The following FNBP1L variants were observed in gnomAD, a reference collection of about 807,000 sequenced individuals.
FNBP1L encodes the protein formin-binding protein 1-like.
Under a neutral mutation model 91.2 loss-of-function variants are expected in FNBP1L, and 36 were observed. The ratio of observed to expected loss-of-function variants is 0.39; its 90% confidence interval spans 0.30 to 0.52. The LOEUF (loss-of-function observed/expected upper bound fraction) is 0.52, where lower values mean the gene tolerates loss of function less well. Ranked by LOEUF, FNBP1L falls within the 20% of genes least tolerant of loss-of-function variation. The probability of loss-of-function intolerance (pLI) is 0.66; values close to 1 mark genes in which losing one functional copy is unlikely to be tolerated. For synonymous variants in FNBP1L, 242 were observed against 237.0 expected, an observed-to-expected ratio of 1.02 and a Z score of -0.19; for missense variants, 571 against 732.1, an observed-to-expected ratio of 0.78 and a Z score of 2.54.
At chr1:93,454,902 G>C (rs1232820554) in intron 1 of FNBP1L, among the ~76,000 whole-genome samples, 2 of 150,816 alleles carry the variant, frequency 1.3e-5, no homozygotes, top group Non-Finnish European at 2.9e-5. Context: ...ATACTGTGCT[G>C]TTTTATTTTT....
At chr1:93,477,259 A>AT (rs1309392178) in intron 1 of FNBP1L, among the ~76,000 whole-genome samples, 1 of 152,234 alleles carries the variant, frequency 6.6e-6, no homozygotes, top group Non-Finnish European at 1.5e-5. Flanking sequence ...ATGGCTAATT[A>AT]TTACAAAGTG....
chr1:93,513,483 C>A (rs1670941465), intron 2 of FNBP1L, among the ~76,000 whole-genome samples: 1 of 151,984 alleles, frequency 6.6e-6, no homozygotes, highest in Non-Finnish European at 1.5e-5. Flanking sequence ...GAATTTTAGA[C>A]CAATATCCTT....
chr1:93,480,992 GAAA>G (rs375975289), intron 1 of FNBP1L, among the ~76,000 whole-genome samples: 3 of 149,618 alleles, frequency 2.0e-5, no homozygotes, highest in Non-Finnish European at 3.0e-5. Context: ...GTAGAATTAT[GAAA>G]AAAAAAATCA....
chr1:93,484,074 G>A (rs1033558872), intron 1 of FNBP1L, among the ~76,000 whole-genome samples: 3 of 152,116 alleles, frequency 2.0e-5, no homozygotes, highest in Non-Finnish European at 2.9e-5. Flanking sequence ...GACTACAGGC[G>A]TGCGCCACCA....
intron 16 of FNBP1L, chr1:93,552,129 T>G (rs2101780035): frequency 8.5e-7 from 1 of 1,180,262 alleles, no homozygotes. Flanking sequence ...ATTTTTCCAA[T>G]TAGTTTCAGC....
At position 93,547,287 on chromosome 1, in the gene FNBP1L, T is replaced by C. The variant is rs959516525; in HGVS notation, c.1408-60T>C. The stretch of plus-strand genomic sequence containing the variant: ...CTTAAACACATTTTAAATGTAGATA[T>C]CTTATGAGCTTTTAAACATATTTAT... On this transcript the variant is annotated intron_variant, in intron 13 of 16. Coordinates refer to ENST00000271234, the MANE Select transcript of FNBP1L (RefSeq NM_001164473.3). 43 of 1,273,078 alleles carry C rather than the reference T, an allele frequency of 3.4e-5. No homozygotes were observed. In the African/African-American group the frequency reaches 5.1e-4, roughly 15 times the overall value. 78.9% of individuals were successfully genotyped at this position (1,273,078 alleles called of 1,614,324 possible).
chr1:93,535,008 A>G lies in FNBP1L; in HGVS notation c.990+100A>G, dbSNP rs551530629. ...AATGATTTACCATTAATGGAGAATAAATATTTTCAATTTGAATGATTCAGT... is the reference window on the plus strand; with the variant it reads ...AATGATTTACCATTAATGGAGAATAGATATTTTCAATTTGAATGATTCAGT... On this transcript the variant is annotated intron_variant, in intron 9 of 16. Coordinates refer to ENST00000271234, the MANE Select transcript of FNBP1L (RefSeq NM_001164473.3). 8 of 902,736 alleles carry G rather than the reference A, an allele frequency of 8.9e-6. No homozygotes were observed. In the South Asian group the frequency reaches 1.5e-4, roughly 17 times the overall value. The allele number at this position is 902,736 out of a possible 1,614,324, so 55.9% of individuals were successfully genotyped here.
At chr1:93,491,376 G>A (rs1670084587) in intron 1 of FNBP1L, among the ~76,000 whole-genome samples, 1 of 151,062 alleles carries the variant, frequency 6.6e-6, no homozygotes, top group Admixed American at 6.6e-5. Flanking sequence ...CTAAAGAAAG[G>A]CTGAATGACT....
intron 1 of FNBP1L, among the ~76,000 whole-genome samples, chr1:93,466,145 G>A (rs764364270): frequency 1.3e-5 from 2 of 152,040 alleles, no homozygotes; most frequent in African/African-American, 4.8e-5. Flanking sequence ...CTCCCGTTCT[G>A]TAGGTTGCCT....
At chr1:93,509,538 G>A (rs934346221) in intron 2 of FNBP1L, among the ~76,000 whole-genome samples, 2 of 152,228 alleles carry the variant, frequency 1.3e-5, no homozygotes, top group Non-Finnish European at 2.9e-5. Flanking sequence ...GGTAAAACGT[G>A]TCCCCTACAG....
intron 2 of FNBP1L, among the ~76,000 whole-genome samples, chr1:93,504,678 G>A (rs910499935): frequency 2.0e-5 from 3 of 152,100 alleles, no homozygotes; most frequent in African/African-American, 7.2e-5. Context: ...CACCCTAATC[G>A]GTGTGAGTTG....
intron 1 of FNBP1L, among the ~76,000 whole-genome samples, chr1:93,471,004 T>G (rs921485365): frequency 6.6e-6 from 1 of 152,184 alleles, no homozygotes; most frequent in Non-Finnish European, 1.5e-5. Flanking sequence ...TGGTAATATC[T>G]AAGAAGAATA....
intron 1 of FNBP1L, among the ~76,000 whole-genome samples, chr1:93,481,708 C>G (rs1470771656): frequency 1.3e-5 from 2 of 152,122 alleles, no homozygotes; most frequent in Non-Finnish European, 2.9e-5. Flanking sequence ...TGTTATAGTT[C>G]CTTGCCACCT....
chr1:93,535,425 C>G (rs1314565969), intron 9 of FNBP1L, among the ~76,000 whole-genome samples: 1 of 152,068 alleles, frequency 6.6e-6, no homozygotes, highest in East Asian at 1.9e-4. Flanking sequence ...CTTGTTAGAA[C>G]CCACCTTCTG....
chr1:93,492,639 G>T lies in FNBP1L; in HGVS notation c.25-6829G>T, dbSNP rs185787839. Reference sequence around the variant, plus strand: ...CAAGTGGGAGAATTGCTTGAGACTGGGAGTTTGAGACCAGACGGAGCAACA... The same window carrying T: ...CAAGTGGGAGAATTGCTTGAGACTGTGAGTTTGAGACCAGACGGAGCAACA... On this transcript the variant is annotated intron_variant, in intron 1 of 16. Transcript: ENST00000271234. 4.0e-3 allele frequency among the ~76,000 whole-genome samples: 604 copies of T among 152,148 alleles called. 10 individuals carry two copies. The highest frequency in any genetic ancestry group is 3.4e-3 in the Middle Eastern group (1 of 292).
At chr1:93,516,353 A>G (rs1671114310) in intron 2 of FNBP1L, among the ~76,000 whole-genome samples, 1 of 152,126 alleles carries the variant, frequency 6.6e-6, no homozygotes, top group Non-Finnish European at 1.5e-5. Flanking sequence ...TACCCCCTTT[A>G]CCTGTTAAAA....
intron 2 of FNBP1L, among the ~76,000 whole-genome samples, chr1:93,516,181 G>C (rs1455423219): frequency 6.7e-6 from 1 of 148,864 alleles, no homozygotes; most frequent in Non-Finnish European, 1.5e-5. Flanking sequence ...AAGGAGTACT[G>C]TGTCAAGGGG....
At chr1:93,464,518 T>C (rs945036029) in intron 1 of FNBP1L, among the ~76,000 whole-genome samples, 1 of 152,216 alleles carries the variant, frequency 6.6e-6, no homozygotes, top group Non-Finnish European at 1.5e-5. Flanking sequence ...TCTACTGTGT[T>C]CTGTTTTCTT....
chr1:93,544,825 A>G (rs1399142827), intron 12 of FNBP1L, among the ~76,000 whole-genome samples: 1 of 152,172 alleles, frequency 6.6e-6, no homozygotes, highest in Non-Finnish European at 1.5e-5. Context: ...GAATTAGTGT[A>G]TCAGGTGTGA....
Sources: allele counts gnomAD v4.1 joint callset (sites outside exome capture counted in the v4.1 genomes callset), GRCh38; gene constraint gnomAD v4.1.1; transcripts MANE v1.5; gene names NCBI Gene and HGNC (gene_info 2026-07-23, HGNC 2026-07-21).